The following CRYBG2 variants were observed in gnomAD, a reference collection of about 807,000 sequenced individuals.
CRYBG2 encodes beta/gamma crystallin domain-containing protein 2.
In CRYBG2, 106 loss-of-function variants were observed where a neutral mutation model predicts 153.4. The ratio of observed to expected loss-of-function variants is 0.69; its 90% confidence interval spans 0.59 to 0.81. The LOEUF (loss-of-function observed/expected upper bound fraction) is 0.81. CRYBG2 is among the 30% of genes least tolerant of loss of function. The pLI is 0.00. For synonymous variants in CRYBG2, 851 were observed against 877.8 expected (o/e 0.97, Z 0.54); for missense variants, 1,996 against 2,112.0 (o/e 0.95, Z 1.08).
rs972069845 is a variant in CRYBG2 at position 26,325,458 on chromosome 1, G to A, written c.4579-1148C>T. Among the ~76,000 whole-genome samples, 3 of 152,182 alleles carry A rather than the reference G, an allele frequency of 2.0e-5. No individual in the cohort carries two copies. The highest frequency in any genetic ancestry group is 7.2e-5 in the African/African-American group (3 of 41,428). Reference sequence around the variant, plus strand: ...GCCTGTAATCACAGCTACTCGGGAGGCTGAGGCAGGAGAATCGCTTGAACC... The same window carrying A: ...GCCTGTAATCACAGCTACTCGGGAGACTGAGGCAGGAGAATCGCTTGAACC... On this transcript the variant is annotated intron_variant, in intron 17 of 19. Transcript: ENST00000308182. This position sits in a 1 kb window ranked among gnomAD's most constrained non-coding sequence, Gnocchi z 4.1.
At chr1:26,331,413 C>A in intron 15 of CRYBG2, 76 bp downstream of exon 15, 4 of 1,568,060 alleles carry the variant, frequency 2.6e-6, no homozygotes, top group Non-Finnish European at 3.5e-6. Context: ...CACCAGCACA[C>A]AGGTTCTGTG....
At chr1:26,332,899 G>A (rs934060568) in intron 14 of CRYBG2, among the ~76,000 whole-genome samples, 2 of 150,572 alleles carry the variant, frequency 1.3e-5, no homozygotes, top group Non-Finnish European at 3.0e-5. Context: ...AAATGGAGGA[G>A]AAGGAAAACA....
At chr1:26,322,613 C>A (rs1195062288) in intron 18 of CRYBG2, among the ~76,000 whole-genome samples, 1 of 152,190 alleles carries the variant, frequency 6.6e-6, no homozygotes, top group Non-Finnish European at 1.5e-5. Context: ...TCAGACAAAT[C>A]TCTACACATT....
At chr1:26,352,960 T>A (rs969188966) in intron 1 of CRYBG2, among the ~76,000 whole-genome samples, 24 of 151,992 alleles carry the variant, frequency 1.6e-4, no homozygotes, top group Non-Finnish European at 2.1e-4. Flanking sequence ...CCTCTGCTAC[T>A]ACAATGCTGC....
At position 26,343,481 on chromosome 1, in the gene CRYBG2, G is replaced by T. The variant is rs2074158747; in HGVS notation, c.2914-188C>A. Among the ~76,000 whole-genome samples the T allele has an allele frequency of 6.6e-6, 1 of 152,158 alleles. No homozygotes were observed. Among genetic ancestry groups the T allele is most frequent in the Non-Finnish European group, 1.5e-5 (1 of 68,024 alleles). ...CATCACCCTGTCCCAGGAGCTTGGT[G>T]CTCATCACCCGCCTTCCTCAGCTCC... is the stretch of plus-strand genomic sequence containing the variant. On this transcript the variant is annotated intron_variant, in intron 2 of 19. Transcript: ENST00000308182. This position sits in a 1 kb window ranked among gnomAD's most constrained non-coding sequence, Gnocchi z 4.1.
At chr1:26,327,948 C>CAA (rs71581056) in intron 17 of CRYBG2, among the ~76,000 whole-genome samples, 49,006 of 104,614 alleles carry the variant, frequency 0.47, 8,946 homozygotes, top group Middle Eastern at 0.56. Context: ...CTCTGTCACA[C>CAA]AAAAAAAAAA....
In CRYBG2 at chr1:26,322,241, G is replaced by T; in HGVS notation, c.4820C>A (p.Pro1607Gln). ...TTCACTGATGCTCCACGTCTGGCGC[G>T]GCAGGCGGCTCTCGGCCCACAGCAC... ...KVVLWAESRLPRQTWSISESG... is the reference protein window; with the variant it reads ...KVVLWAESRLQRQTWSISESG... The change falls in exon 19 of 20, where the codon CCG becomes CAG. Residue 1607 changes from proline to glutamine, a missense_variant. Physicochemically the swap from Pro to Gln is moderately conservative, Grantham distance 76. Coordinates refer to ENST00000308182, the MANE Select transcript of CRYBG2 (RefSeq NM_001039775.4). 2 of 1,614,134 alleles carry T rather than the reference G, an allele frequency of 1.2e-6. No homozygotes were observed. The highest frequency in any genetic ancestry group is 1.7e-6 in the Non-Finnish European group (2 of 1,180,034).
intron 17 of CRYBG2, chr1:26,327,161 C>G: frequency 4.1e-6 from 1 of 243,848 alleles, no homozygotes; most frequent in South Asian, 4.9e-5. Context: ...TGATGAAACC[C>G]CATCTCTACT....
In CRYBG2 at chr1:26,343,053, C is replaced by T. The variant is rs762810935; in HGVS notation, c.3068G>A (p.Arg1023Gln). ...CTGGGCACTCCCCACTCACCAGCCT[C>T]GAACTACCCTTATGGAGGCTACGGG... is the stretch of plus-strand genomic sequence containing the variant. ...WAPVASIRVV[R>Q]GCWVLYEEPE... The change falls in exon 4 of 20, where the codon CGA becomes CAA. Residue 1023 changes from arginine to glutamine, a missense_variant. Physicochemically the swap from Arg to Gln is conservative, Grantham distance 43. Transcript: ENST00000308182. This position sits in a 1 kb window ranked among gnomAD's most constrained non-coding sequence, Gnocchi z 4.1. The T allele has an allele frequency of 2.6e-6, 4 of 1,548,304 alleles. No individual in the cohort carries two copies. The highest frequency in any genetic ancestry group is 1.2e-5 in the South Asian group (1 of 84,184).
In CRYBG2 at chr1:26,339,421, GC is replaced by G; in HGVS notation, c.3212del (p.Ser1071ThrfsTer18). The G allele has an allele frequency of 6.2e-7, 1 of 1,614,048 alleles. No individual in the cohort carries two copies. Among genetic ancestry groups the G allele is most frequent in the South Asian group, 1.1e-5 (1 of 91,086 alleles). On this transcript the variant is annotated frameshift_variant, in exon 6 of 20. Coordinates refer to ENST00000308182, the MANE Select transcript of CRYBG2 (RefSeq NM_001039775.4). LOFTEE classifies it high-confidence loss of function. ...GSLRRVVWDYSTPEISLFSEE... is the reference protein window; with the variant it reads ...GSLRRVVWDYXTPEISLFSEE... ...CAGAGAAGAGGCTGATTTCCGGGGTGCTGTAGTCCTGTGGAAGGAGGGGGAA... is the reference window on the plus strand; with the variant it reads ...CAGAGAAGAGGCTGATTTCCGGGGTGTGTAGTCCTGTGGAAGGAGGGGGAA...
intron 17 of CRYBG2, among the ~76,000 whole-genome samples, chr1:26,327,646 T>C (rs530747471): frequency 2.9e-4 from 41 of 142,598 alleles, no homozygotes; most frequent in African/African-American, 1.0e-3. Flanking sequence ...CAAAACTCCA[T>C]CTCAAAAAAA....
chr1:26,328,346 G>A lies in CRYBG2; in HGVS notation c.4455-14C>T, dbSNP rs1182372938. 3 of 1,564,418 alleles carry A rather than the reference G, an allele frequency of 1.9e-6. No individual in the cohort carries two copies. The highest frequency in any genetic ancestry group is 1.4e-5 in the African/African-American group (1 of 73,726). On this transcript the variant is annotated splice_polypyrimidine_tract_variant and intron_variant, in intron 16 of 19. Coordinates refer to ENST00000308182, the MANE Select transcript of CRYBG2 (RefSeq NM_001039775.4). ...CATAGCACCCAACTGGGCCCAGCAGGTGTCAGGGACACAGAGAAGAGCACA... is the reference window on the plus strand; with the variant it reads ...CATAGCACCCAACTGGGCCCAGCAGATGTCAGGGACACAGAGAAGAGCACA...
chr1:26,336,847 C>A lies in CRYBG2; in HGVS notation c.3905G>T (p.Ser1302Ile). Residue 1302 changes from serine (S) to isoleucine (I), a missense_variant, in exon 11 of 20, where the codon AGC (serine) becomes ATC (isoleucine). Physicochemically the swap from Ser to Ile is moderately radical, Grantham distance 142 (BLOSUM62 -2). Transcript: ENST00000308182. This position sits in a 1 kb window ranked among gnomAD's most constrained non-coding sequence, Gnocchi z 4.9. ...GPSTQAIHVL[S>I]GVWVAYQEVG... The stretch of plus-strand genomic sequence containing the variant: ...CGGAGCCCGGGTCACTTACACGCCG[C>A]TGAGCACGTGGATGGCCTGTGTGCT... The A allele has an allele frequency of 6.3e-7, 1 of 1,595,520 alleles. No individual in the cohort carries two copies. Among genetic ancestry groups the A allele is most frequent in the East Asian group, 2.3e-5 (1 of 43,364 alleles).
chr1:26,343,313 TAAAG>T lies in CRYBG2; in HGVS notation c.2914-24_2914-21del. 1 of 1,550,090 alleles carries T rather than the reference TAAAG, an allele frequency of 6.5e-7. No individual in the cohort carries two copies. Among genetic ancestry groups the T allele is most frequent in the South Asian group, 1.2e-5 (1 of 84,048 alleles). ...TGGGCTCTGAAACGGAGGCAGGTGA[TAAAG>T]AAGTCCTGTGGGGTCACCTCTTTTC... On this transcript the variant is annotated intron_variant, in intron 2 of 19. Coordinates refer to ENST00000308182, the MANE Select transcript of CRYBG2 (RefSeq NM_001039775.4). The surrounding 1 kb of genome is among the most constrained non-coding windows in gnomAD (Gnocchi z 4.1).
intron 1 of CRYBG2, among the ~76,000 whole-genome samples, chr1:26,351,053 T>C (rs2074281024): frequency 6.6e-6 from 1 of 152,138 alleles, no homozygotes; most frequent in Admixed American, 6.5e-5. Flanking sequence ...TATGACAGTG[T>C]CAGGGACAGG....
At chr1:26,327,019 C>T (rs2073933919) in intron 17 of CRYBG2, 1 of 502,012 alleles carries the variant, frequency 2.0e-6, no homozygotes, top group East Asian at 5.5e-5. Context: ...GGCACAAGCA[C>T]AGACTCAGAA....
chr1:26,349,473 C>T (rs2074263931), intron 1 of CRYBG2, among the ~76,000 whole-genome samples: 2 of 152,186 alleles, frequency 1.3e-5, no homozygotes, highest in Admixed American at 1.3e-4. Context: ...CAGAGCATGT[C>T]TCACCCTCCG....
rs768527818 is a variant in CRYBG2 at position 26,322,240 on chromosome 1, C to T, written c.4821G>A (p.Pro1607=). 1.5e-5 allele frequency: 24 copies of T among 1,614,008 alleles called. No individual in the cohort carries two copies. Among genetic ancestry groups the T allele is most frequent in the African/African-American group, 1.1e-4 (8 of 74,924 alleles). The part of the protein sequence containing the change: ...KVVLWAESRL[P]RQTWSISESG... ...ATTCACTGATGCTCCACGTCTGGCG[C>T]GGCAGGCGGCTCTCGGCCCACAGCA... The change falls in exon 19 of 20, where the codon CCG becomes CCA. Residue 1607 remains proline (P), a synonymous_variant. Transcript: ENST00000308182.
At position 26,332,306 on chromosome 1, in the gene CRYBG2, C is replaced by CAA. The variant is rs567865951; in HGVS notation, c.4185-690_4185-689dup. Among the ~76,000 whole-genome samples, 259 of 71,340 alleles carry CAA rather than the reference C, an allele frequency of 3.6e-3. 2 individuals carry two copies. The highest frequency in any genetic ancestry group is 9.1e-3 in the Middle Eastern group (1 of 110). 46.8% of individuals were successfully genotyped at this position (71,340 alleles called of 152,430 possible). ...TGGGCAACAGAGCGAGACTCCGTGT[C>CAA]AAAAAAAAAAAAAAAAAAGAAAGAA... On this transcript the variant is annotated intron_variant, in intron 14 of 19. Transcript: ENST00000308182.
Sources: gnomAD v4.1 joint callset for allele counts (sites outside exome capture counted in the v4.1 genomes callset) on GRCh38, gnomAD v4.1.1 for gene constraint, Gnocchi (gnomAD v3.1) non-coding constraint, MANE v1.5 for transcripts, NCBI Gene and HGNC (gene_info 2026-07-23, HGNC 2026-07-21) for gene names.